Variants in MYO1B observed in about 807,000 individuals in gnomAD.
MYO1B encodes the protein myosin IB.
A neutral mutation model predicts 159.7 loss-of-function variants in MYO1B; 72 were observed. The observed-to-expected ratio is 0.45, with a 90% CI of 0.37 to 0.55. MYO1B has a LOEUF of 0.55. Ranked by LOEUF, MYO1B falls within the 20% of genes least tolerant of loss-of-function variation. The pLI is 0.00. For synonymous variants in MYO1B, 468 were observed against 473.8 expected (o/e 0.99, Z 0.16); for missense variants, 1,062 against 1,364.8 (o/e 0.78, Z 3.50).
intron 5 of MYO1B, among the ~76,000 whole-genome samples, chr2:191,344,568 C>T (rs1057305202): frequency 2.0e-5 from 3 of 152,090 alleles, no homozygotes; most frequent in African/African-American, 4.8e-5. Context: ...TGGTGGCTCA[C>T]GCCTGTAATC....
chr2:191,411,940 A>G (rs1697273989), intron 27 of MYO1B, among the ~76,000 whole-genome samples: 2 of 152,224 alleles, frequency 1.3e-5, no homozygotes, highest in Non-Finnish European at 2.9e-5. Context: ...CTTCCAATGA[A>G]TGGCCAAAGA....
chr2:191,335,159 T>G (rs886463296), intron 4 of MYO1B, among the ~76,000 whole-genome samples: 10 of 152,212 alleles, frequency 6.6e-5, no homozygotes, highest in African/African-American at 2.4e-4. Context: ...TGGATACCGC[T>G]CCTGAGAGTG....
intron 13 of MYO1B, 44 bp downstream of exon 13, chr2:191,370,336 A>C (rs374951523): frequency 5.4e-5 from 71 of 1,321,468 alleles, no homozygotes; most frequent in Non-Finnish European, 7.4e-5. Context: ...GTAGAGTGGA[A>C]TGGTTGGAAA....
At chr2:191,312,475 A>T (rs1213639400) in intron 3 of MYO1B, among the ~76,000 whole-genome samples, 1 of 152,200 alleles carries the variant, frequency 6.6e-6, no homozygotes, top group Non-Finnish European at 1.5e-5. Context: ...CACAACCATG[A>T]CCTTTTATTT....
chr2:191,327,916 A>G (rs974813720), intron 3 of MYO1B, among the ~76,000 whole-genome samples: 1 of 152,212 alleles, frequency 6.6e-6, no homozygotes, highest in Non-Finnish European at 1.5e-5. Flanking sequence ...CAGCAGACTC[A>G]CTGATATGAA....
intron 6 of MYO1B, 118 bp from the exon 7 acceptor site, chr2:191,350,044 C>A (rs1040549843): frequency 4.5e-5 from 34 of 752,620 alleles, no homozygotes; most frequent in Non-Finnish European, 7.4e-5. Context: ...CTGTGTCTTT[C>A]TTAGTTACAT....
At chr2:191,418,539 G>T (rs1697725396) in intron 30 of MYO1B, among the ~76,000 whole-genome samples, 1 of 142,488 alleles carries the variant, frequency 7.0e-6, no homozygotes, top group African/African-American at 2.7e-5. Context: ...GCCAAGGCTG[G>T]AGTGCAGTGG....
intron 1 of MYO1B, among the ~76,000 whole-genome samples, chr2:191,257,125 A>G (rs542871919): frequency 6.6e-6 from 1 of 152,288 alleles, no homozygotes; most frequent in East Asian, 1.9e-4. Context: ...CATTTATTCA[A>G]TTCAAAATAA....
intron 27 of MYO1B, 50 bp from the exon 28 acceptor site, chr2:191,413,998 G>C (rs751685240): frequency 6.5e-7 from 1 of 1,537,250 alleles, no homozygotes; most frequent in Non-Finnish European, 8.7e-7. Flanking sequence ...TTTTTTAGTG[G>C]TACTTTCATT....
chr2:191,249,367 C>G (rs1245879774), intron 1 of MYO1B, among the ~76,000 whole-genome samples: 1 of 152,202 alleles, frequency 6.6e-6, no homozygotes, highest in East Asian at 1.9e-4. Flanking sequence ...GGCATTCTTC[C>G]TTAGGGAAGT....
chr2:191,356,368 T>A (rs1465376656), intron 7 of MYO1B, among the ~76,000 whole-genome samples: 2 of 139,444 alleles, frequency 1.4e-5, no homozygotes, highest in African/African-American at 2.7e-5. Flanking sequence ...GAGTTTTGAG[T>A]TTTGAGTTTT....
chr2:191,249,693 G>A (rs1685998025), intron 1 of MYO1B, among the ~76,000 whole-genome samples: 1 of 152,170 alleles, frequency 6.6e-6, no homozygotes, highest in Non-Finnish European at 1.5e-5. Context: ...GGTTTTTGTT[G>A]TTGTTGTTGT....
intron 14 of MYO1B, among the ~76,000 whole-genome samples, chr2:191,382,623 G>A (rs1695110000): frequency 6.6e-6 from 1 of 152,152 alleles, no homozygotes; most frequent in Admixed American, 6.5e-5. Flanking sequence ...TTGCTGTAAT[G>A]AATAGAAGAC....
At chr2:191,420,418 G>A (rs1697864741) in intron 30 of MYO1B, among the ~76,000 whole-genome samples, 1 of 152,138 alleles carries the variant, frequency 6.6e-6, no homozygotes, top group African/African-American at 2.4e-5. Flanking sequence ...TTCATGGTAA[G>A]GGCGCTAGAC....
At chr2:191,256,791 G>A (rs1373745054) in intron 1 of MYO1B, among the ~76,000 whole-genome samples, 2 of 152,158 alleles carry the variant, frequency 1.3e-5, no homozygotes, top group East Asian at 1.9e-4. Flanking sequence ...AGAAGCCAGG[G>A]GTAGGCCTGC....
At chr2:191,300,655 T>TTTTTTTTA (rs61260117) in intron 3 of MYO1B, among the ~76,000 whole-genome samples, 1 of 145,136 alleles carries the variant, frequency 6.9e-6, no homozygotes, top group Non-Finnish European at 1.5e-5. Flanking sequence ...TTTTTTTTTT[T>TTTTTTTTA]AAGAGATGAG....
At chr2:191,316,124 A>G (rs1385904317) in intron 3 of MYO1B, among the ~76,000 whole-genome samples, 1 of 152,182 alleles carries the variant, frequency 6.6e-6, no homozygotes, top group Non-Finnish European at 1.5e-5. Context: ...TTTTCTCATA[A>G]ATGGGCTTTG....
chr2:191,261,624 G>A (rs533116329), intron 1 of MYO1B, among the ~76,000 whole-genome samples: 1 of 152,158 alleles, frequency 6.6e-6, no homozygotes. Context: ...GACGCCTGCT[G>A]CAAAGGTCTT....
chr2:191,277,109 C>T (rs1687801212), intron 2 of MYO1B, 79 bp downstream of exon 2: 1 of 1,514,706 alleles, frequency 6.6e-7, no homozygotes, highest in Admixed American at 2.1e-5. Context: ...TCCTCAGACT[C>T]TTCTTTCTTT....
Sources: gnomAD v4.1 joint callset for allele counts (sites outside exome capture counted in the v4.1 genomes callset) on GRCh38, gnomAD v4.1.1 for gene constraint, MANE v1.5 for transcripts, NCBI Gene and HGNC (gene_info 2026-07-23, HGNC 2026-07-21) for gene names.